The following PPP2R5C variants were observed in gnomAD, a reference collection of about 807,000 sequenced individuals.
PPP2R5C encodes the protein protein phosphatase 2 regulatory subunit B'gamma.
Under a neutral mutation model 68.9 loss-of-function variants are expected in PPP2R5C, and 7 were observed. The observed-to-expected ratio is 0.10, with a 90% confidence interval of 0.06 to 0.19. The LOEUF is 0.19. Ranked by LOEUF, PPP2R5C falls within the 10% of genes least tolerant of loss-of-function variation. The pLI is 1.00. For synonymous variants in PPP2R5C, 210 were observed against 222.2 expected (o/e 0.95, Z 0.49); for missense variants, 348 against 641.3 (o/e 0.54, Z 4.94).
chr14:101,849,072 C>T (rs1305395120), intron 1 of PPP2R5C, among the ~76,000 whole-genome samples: 1 of 152,162 alleles, frequency 6.6e-6, no homozygotes. Context: ...AAGGCATATC[C>T]ATATTGTGTA....
chr14:101,829,077 C>T (rs1256480953), intron 1 of PPP2R5C, among the ~76,000 whole-genome samples: 1 of 152,080 alleles, frequency 6.6e-6, no homozygotes, highest in Admixed American at 6.5e-5. Flanking sequence ...AAATCTGAAT[C>T]GTGTTTCTTT....
intron 12 of PPP2R5C, chr14:101,914,348 A>T (rs1455330396): frequency 6.2e-6 from 2 of 322,678 alleles, no homozygotes; most frequent in Non-Finnish European, 1.2e-5. Context: ...TCATGGGTCA[A>T]TACCTCAGAG....
chr14:101,774,747 C>T (rs143248250), intron 2 of PPP2R5C, among the ~76,000 whole-genome samples: 24 of 152,314 alleles, frequency 1.6e-4, no homozygotes, highest in African/African-American at 5.5e-4. Flanking sequence ...AGTGCATCAT[C>T]GACCTTGATC....
chr14:101,810,008 C>A (rs2039257244), exon 1 of PPP2R5C: 1 of 1,613,838 alleles, frequency 6.2e-7, no homozygotes, highest in South Asian at 1.1e-5. Context: ...ATGGGCCTTT[C>A]CAGCCCGTGG....
At chr14:101,864,716 A>G (rs911114515) in intron 2 of PPP2R5C, among the ~76,000 whole-genome samples, 1 of 152,152 alleles carries the variant, frequency 6.6e-6, no homozygotes, top group African/African-American at 2.4e-5. Flanking sequence ...CTAAAGCCCA[A>G]AGACTAGAGA....
chr14:101,916,805 C>G lies in PPP2R5C; in HGVS notation c.1327-1026C>G, dbSNP rs965961048. On this transcript the variant is annotated intron_variant, in intron 12 of 13. Transcript: ENST00000334743. This position sits in a 1 kb window ranked among gnomAD's most constrained non-coding sequence, Gnocchi z 5.5. ...TGAAAGAGGCCGAAGCTGTGGGACT[C>G]ACTGGGCAGAGAATGGAGGGGTGTG... Among the ~76,000 whole-genome samples, 2 of 152,096 alleles carry G rather than the reference C, an allele frequency of 1.3e-5. No individual in the cohort carries two copies. Among genetic ancestry groups the G allele is most frequent in the Admixed American group, 1.3e-4 (2 of 15,274 alleles).
intron 10 of PPP2R5C, among the ~76,000 whole-genome samples, chr14:101,908,417 A>T (rs1189080010): frequency 6.6e-6 from 1 of 152,160 alleles, no homozygotes; most frequent in Non-Finnish European, 1.5e-5. Flanking sequence ...TCTGTCACCC[A>T]GACTGGAGTG....
Position 101,917,765 on chromosome 14 carries a change from A to C in PPP2R5C, c.1327-66A>C. 1.2e-6 allele frequency: 2 copies of C among 1,603,890 alleles called. No homozygotes were observed. Among genetic ancestry groups the C allele is most frequent in the South Asian group, 2.2e-5 (2 of 90,378 alleles). On this transcript the variant is annotated intron_variant, in intron 12 of 13. Transcript: ENST00000334743. The surrounding 1 kb of genome is among the most constrained non-coding windows in gnomAD (Gnocchi z 4.4). ...CGGCAGGGGAGATGAGTCCCTAGCC[A>C]GGATGAGAAGCTTGGAGTTCAGAGC...
At chr14:101,862,607 C>T (rs1566917192) in intron 2 of PPP2R5C, among the ~76,000 whole-genome samples, 1 of 152,156 alleles carries the variant, frequency 6.6e-6, no homozygotes, top group Non-Finnish European at 1.5e-5. Context: ...TTGTCAACTA[C>T]ATTGTCTGTG....
upstream of PPP2R5C, chr14:101,761,787 C>CGGA (rs1343469040): frequency 1.1e-6 from 1 of 908,156 alleles, no homozygotes; most frequent in Admixed American, 1.5e-4. Context: ...CCCCGGGCGG[C>CGGA]GGCGGCGGCG....
At position 101,886,280 on chromosome 14, in the gene PPP2R5C, C is replaced by CAA. The variant is rs57167968; in HGVS notation, c.629+2734_629+2735dup. Among the ~76,000 whole-genome samples the CAA allele has an allele frequency of 4.5e-3, 464 of 103,970 alleles. 25 individuals are homozygous for CAA. The East Asian group carries it at 0.11, about 25-fold the overall frequency. The allele number at this position is 103,970 out of a possible 152,430, so 68.2% of individuals were successfully genotyped here. A position where few individuals can be genotyped will look rare whatever the true frequency, so the allele number is the denominator to read the frequency against. ...TGGGCGACAGAGCAAGACTCCGTCT[C>CAA]AAAAAAAAAAAAAAAAAGTAGTAGA... On this transcript the variant is annotated intron_variant, in intron 5 of 13. Coordinates refer to ENST00000334743, the Ensembl canonical transcript of PPP2R5C.
At chr14:101,908,124 A>C (rs2046164186) in intron 10 of PPP2R5C, among the ~76,000 whole-genome samples, 1 of 152,202 alleles carries the variant, frequency 6.6e-6, no homozygotes, top group East Asian at 1.9e-4. Flanking sequence ...GAGAAAGTAA[A>C]GTGCTTTGCC....
At chr14:101,842,406 G>A (rs1487126434) in intron 1 of PPP2R5C, among the ~76,000 whole-genome samples, 1 of 152,198 alleles carries the variant, frequency 6.6e-6, no homozygotes, top group Non-Finnish European at 1.5e-5. Flanking sequence ...TTGCTTGTTG[G>A]TTTGCTTTCC....
chr14:101,786,529 G>A (rs181100836), intron 3 of PPP2R5C, among the ~76,000 whole-genome samples: 5 of 152,170 alleles, frequency 3.3e-5, no homozygotes, highest in African/African-American at 7.2e-5. Flanking sequence ...TAGCAATTCC[G>A]AAAGGAATTA....
At chr14:101,842,820 T>TC (rs1268755409) in intron 1 of PPP2R5C, among the ~76,000 whole-genome samples, 1 of 151,462 alleles carries the variant, frequency 6.6e-6, no homozygotes, top group African/African-American at 2.4e-5. Flanking sequence ...TTTTTTTATC[T>TC]CCCCACCATT....
chr14:101,809,107 GC>G (rs1412186387), upstream of PPP2R5C, among the ~76,000 whole-genome samples: 19 of 152,050 alleles, frequency 1.2e-4, no homozygotes, highest in African/African-American at 4.3e-4. Flanking sequence ...CAGCATATTT[GC>G]AATACAAAAA....
At chr14:101,785,936 GTA>G in intron 2 of PPP2R5C, 80 bp from the exon 3 acceptor site, 1 of 1,283,436 alleles carries the variant, frequency 7.8e-7, no homozygotes. Context: ...TAAGACTCAT[GTA>G]TATGTTTTTC....
chr14:101,859,682 A>G (rs1678021), intron 2 of PPP2R5C, among the ~76,000 whole-genome samples: 8,981 of 152,186 alleles, frequency 0.059, 365 homozygotes, highest in South Asian at 0.1. Context: ...TCAAGAATTT[A>G]AGCAACCAGT....
At chr14:101,840,330 G>A (rs2041385058) in intron 1 of PPP2R5C, among the ~76,000 whole-genome samples, 1 of 151,836 alleles carries the variant, frequency 6.6e-6, no homozygotes, top group South Asian at 2.1e-4. Context: ...TCATTTTTCA[G>A]GTGTAGAAAC....
Sources: gnomAD v4.1 joint callset for allele counts (sites outside exome capture counted in the v4.1 genomes callset) on GRCh38, gnomAD v4.1.1 for gene constraint, Gnocchi (gnomAD v3.1) non-coding constraint, MANE v1.5 for transcripts, NCBI Gene and HGNC (gene_info 2026-07-23, HGNC 2026-07-21) for gene names.